Variants in FADS2 observed in about 807,000 individuals in gnomAD.
FADS2 encodes fatty acid desaturase 2.
A neutral mutation model predicts 61.2 loss-of-function variants in FADS2; 18 were observed. The ratio of observed to expected loss-of-function variants is 0.29; its 90% CI spans 0.20 to 0.44. FADS2 has a LOEUF of 0.44. Ranked by LOEUF, FADS2 falls within the 20% of genes least tolerant of loss-of-function variation. The pLI, the probability that FADS2 is intolerant of heterozygous loss-of-function variation, is 1.00. For missense variants in FADS2, 322 were observed against 572.7 expected (o/e 0.56, Z 4.47); for synonymous variants, 203 against 223.9 (o/e 0.91, Z 0.83).
At position 61,865,474 on chromosome 11, in the gene FADS2, G is replaced by A. The variant is rs2067460448; in HGVS notation, c.1284-164G>A. Among the ~76,000 whole-genome samples the A allele has an allele frequency of 6.6e-6, 1 of 152,168 alleles. No homozygotes were observed. Among genetic ancestry groups the A allele is most frequent in the African/African-American group, 2.4e-5 (1 of 41,430 alleles). ...CATCCCTTTCTGTGTGGGGTTCCTG[G>A]TGGGCTCTGAGCTGACAGCCCCACA... On this transcript the variant is annotated intron_variant, in intron 11 of 11. Coordinates refer to ENST00000278840, the MANE Select transcript of FADS2 (RefSeq NM_004265.4). This position sits in a 1 kb window ranked among gnomAD's most constrained non-coding sequence, Gnocchi z 4.1.
intron 7 of FADS2, among the ~76,000 whole-genome samples, chr11:61,859,709 G>A (rs550296350): frequency 1.2e-4 from 16 of 134,132 alleles, no homozygotes; most frequent in South Asian, 5.2e-4. Flanking sequence ...GCCTATTGCC[G>A]GGCGCAGTCA....
chr11:61,845,081 C>T (rs12574826), intron 4 of FADS2, among the ~76,000 whole-genome samples: 1 of 121,842 alleles, frequency 8.2e-6, no homozygotes, highest in Non-Finnish European at 1.6e-5. Context: ...TCTGATATGG[C>T]GCCACCCAGC....
chr11:61,818,856 C>CT (rs35473591), intron 1 of FADS2, among the ~76,000 whole-genome samples: 43,484 of 151,736 alleles, frequency 0.29, 8,070 homozygotes, highest in East Asian at 0.55. Context: ...AGTTTGACAA[C>CT]TTATATAGAA....
At chr11:61,848,931 G>C (rs1381147965) in intron 5 of FADS2, 1 of 152,390 alleles carries the variant, frequency 6.6e-6, no homozygotes, top group African/African-American at 2.4e-5. Context: ...ACGGAGTCTT[G>C]CTCTGTTGCC....
upstream of FADS2, among the ~76,000 whole-genome samples, chr11:61,823,594 G>A (rs191178500): frequency 6.6e-6 from 1 of 152,234 alleles, no homozygotes; most frequent in East Asian, 1.9e-4. Flanking sequence ...ATGGATCACT[G>A]AAGTCTCCAC....
chr11:61,837,950 A>G (rs2067188246), intron 2 of FADS2, 62 bp downstream of exon 2: 5 of 1,180,766 alleles, frequency 4.2e-6, no homozygotes, highest in Non-Finnish European at 6.2e-6. Flanking sequence ...TGGGAGTCTG[A>G]GAGAGGCTCC....
At chr11:61,863,991 G>GC in intron 10 of FADS2, 6 of 547,790 alleles carry the variant, frequency 1.1e-5, no homozygotes, top group Non-Finnish European at 2.0e-5. Flanking sequence ...GTCATCCTGT[G>GC]CCCCTCATGC....
At position 61,845,030 on chromosome 11, in the gene FADS2, C is replaced by CT. The variant is rs71046747; in HGVS notation, c.619-3098dup. Among the ~76,000 whole-genome samples, 160 of 44,164 alleles carry CT rather than the reference C, an allele frequency of 3.6e-3. 66 individuals carry two copies. Among genetic ancestry groups the CT allele is most frequent in the African/African-American group, 0.011 (132 of 11,492 alleles). 29.0% of individuals were successfully genotyped at this position (44,164 alleles called of 152,430 possible). A position where few individuals can be genotyped will look rare whatever the true frequency, so the allele number is the denominator to read the frequency against. On this transcript the variant is annotated intron_variant, in intron 4 of 11. Coordinates refer to ENST00000278840, the MANE Select transcript of FADS2 (RefSeq NM_004265.4). ...TGTTTCCATTAAAGCCAGAAGTGCACTTTTTTTTTTTTTTTTTTTTTTTTT... is the reference window on the plus strand; with the variant it reads ...TGTTTCCATTAAAGCCAGAAGTGCACTTTTTTTTTTTTTTTTTTTTTTTTTT...
At chr11:61,856,020 A>T (rs2067355639) in intron 5 of FADS2, 1 of 152,310 alleles carries the variant, frequency 6.6e-6, no homozygotes, top group Non-Finnish European at 1.5e-5. Context: ...CGACTCACAT[A>T]GTCTCAGCAC....
chr11:61,828,871 G>A lies in FADS2; in HGVS notation c.207+274G>A, dbSNP rs1374258505. Among the ~76,000 whole-genome samples the A allele has an allele frequency of 2.0e-5, 3 of 152,218 alleles. No homozygotes were observed. Among genetic ancestry groups the A allele is most frequent in the Non-Finnish European group, 2.9e-5 (2 of 68,032 alleles). On this transcript the variant is annotated intron_variant, in intron 1 of 11. Transcript: ENST00000278840. This position sits in a 1 kb window ranked among gnomAD's most constrained non-coding sequence, Gnocchi z 6.4. The stretch of plus-strand genomic sequence containing the variant: ...AGGGCAAGCATCTACCGCGCGCGCC[G>A]GGACCCACGCGTCCTCCCCTTCCTC...
intron 5 of FADS2, among the ~76,000 whole-genome samples, chr11:61,850,996 A>G (rs2067302353): frequency 6.6e-6 from 1 of 152,218 alleles, no homozygotes; most frequent in Non-Finnish European, 1.5e-5. Flanking sequence ...AACATGGCCA[A>G]TTCGCAGGAA....
At chr11:61,862,771 A>G (rs1299552863) in intron 7 of FADS2, 6 of 596,484 alleles carry the variant, frequency 1.0e-5, no homozygotes, top group African/African-American at 1.9e-5. Context: ...TGATGCTAAA[A>G]CACTCAGCAT....
upstream of FADS2, among the ~76,000 whole-genome samples, chr11:61,824,503 G>A (rs1362826141): frequency 3.7e-3 from 7 of 1,916 alleles, 1 homozygote; most frequent in Non-Finnish European, 9.6e-3. Flanking sequence ...AGAAAGAAAG[G>A]AAAGAAAGAA....
In FADS2 at chr11:61,837,846, T is replaced by C; in HGVS notation, c.276T>C (p.Gly92=). ...VGKFLKPLLI[G]ELAPEEPSQD... is the part of the protein sequence containing the mutation. ...AGTTCTTGAAACCCCTGCTGATTGG[T>C]GAACTGGCCCCGGAGGAGCCCAGCC... is the stretch of plus-strand genomic sequence containing the variant. Residue 92 remains glycine (G), a synonymous_variant, in exon 2 of 12, where the codon GGT becomes GGC. Transcript: ENST00000278840. The C allele has an allele frequency of 1.2e-6, 2 of 1,613,878 alleles. No homozygotes were observed. The highest frequency in any genetic ancestry group is 2.2e-5 in the South Asian group (2 of 90,992).
At chr11:61,834,988 C>G (rs539910723) in intron 1 of FADS2, among the ~76,000 whole-genome samples, 16 of 109,370 alleles carry the variant, frequency 1.5e-4, no homozygotes, top group Non-Finnish European at 2.4e-4. Context: ...CCTGCCCCCC[C>G]ACCCCAGCCC....
chr11:61,839,965 C>G (rs2067204606), intron 2 of FADS2, among the ~76,000 whole-genome samples: 1 of 152,232 alleles, frequency 6.6e-6, no homozygotes, highest in African/African-American at 2.4e-5. Flanking sequence ...GAGTAATATT[C>G]CATTGCATGG....
chr11:61,855,662 T>A (rs1395185713), intron 5 of FADS2: 1 of 152,284 alleles, frequency 6.6e-6, no homozygotes, highest in African/African-American at 2.4e-5. Flanking sequence ...GGCGCCAAGA[T>A]GCAAGCCTTG....
intron 7 of FADS2, among the ~76,000 whole-genome samples, chr11:61,860,780 G>A (rs1300042593): frequency 2.6e-5 from 4 of 152,100 alleles, no homozygotes; most frequent in Admixed American, 2.0e-4. Context: ...GTGGTGATGC[G>A]CGCCTGTAAT....
intron 1 of FADS2, among the ~76,000 whole-genome samples, chr11:61,830,104 C>T (rs571962216): frequency 4.6e-5 from 7 of 152,306 alleles, no homozygotes; most frequent in East Asian, 1.9e-4. Flanking sequence ...GACCTTTACG[C>T]GGCCCAGTGA....
Sources: allele counts gnomAD v4.1 joint callset (sites outside exome capture counted in the v4.1 genomes callset), GRCh38; gene constraint gnomAD v4.1.1; non-coding constraint Gnocchi (gnomAD v3.1); transcripts MANE v1.5; gene names NCBI Gene and HGNC (gene_info 2026-07-23, HGNC 2026-07-21).